DARS1: variants seen among roughly 807,000 people sequenced by gnomAD.
The protein encoded by DARS1 is aspartate--tRNA ligase, cytoplasmic.
DARS1 carries 51 observed loss-of-function variants against 68.8 expected under a neutral mutation model. The ratio of observed to expected loss-of-function variants is 0.74; its 90% CI spans 0.59 to 0.94. DARS1 has a LOEUF of 0.94. Among genes scored for constraint, DARS1 ranks in the 40% least tolerant of loss-of-function variants. DARS1 has a pLI of 0.00. For missense variants in DARS1, 607 were observed against 597.3 expected (o/e 1.02, Z -0.17); for synonymous variants, 203 against 190.4 (o/e 1.07, Z -0.55).
chr2:135,982,440 CAA>C (rs1249915767), intron 2 of DARS1, among the ~76,000 whole-genome samples: 2 of 149,668 alleles, frequency 1.3e-5, no homozygotes, highest in South Asian at 4.2e-4. Flanking sequence ...TACTAAAATA[CAA>C]AAAAAAAGTG....
intron 4 of DARS1, among the ~76,000 whole-genome samples, chr2:135,950,325 T>C (rs1681814466): frequency 6.6e-6 from 1 of 152,226 alleles, no homozygotes; most frequent in South Asian, 2.1e-4. Flanking sequence ...TAAAATTAAA[T>C]GGAGATTAGA....
intron 15 of DARS1, among the ~76,000 whole-genome samples, chr2:135,910,521 G>C (rs1680873929): frequency 6.6e-6 from 1 of 152,070 alleles, no homozygotes; most frequent in Non-Finnish European, 1.5e-5. Context: ...TGTTAGGTAA[G>C]GGTCTAATTT....
chr2:135,970,838 T>G (rs775458549), intron 3 of DARS1, among the ~76,000 whole-genome samples: 1 of 152,116 alleles, frequency 6.6e-6, no homozygotes, highest in Non-Finnish European at 1.5e-5. Context: ...GCCAATAAGT[T>G]GGAAAATCTA....
In DARS1 at chr2:135,914,511, G is replaced by C; in HGVS notation, c.1107C>G (p.Ser369Arg). The change falls in exon 12 of 16, where the codon AGC becomes AGG. Residue 369 changes from serine to arginine, a missense_variant and splice_region_variant. Transcript: ENST00000264161. Reference sequence around the variant, plus strand: ...GACCCAACAGCTTTTCATTTGGTGTGCTGAAAAAGAAACGTGAAATCAGTG... The same window carrying C: ...GACCCAACAGCTTTTCATTTGGTGTCCTGAAAAAGAAACGTGAAATCAGTG... ...GVEMGDEDDL[S>R]TPNEKLLGHL... 1 of 1,430,810 alleles carries C rather than the reference G, an allele frequency of 7.0e-7. No individual in the cohort carries two copies. The highest frequency in any genetic ancestry group is 9.9e-7 in the Non-Finnish European group (1 of 1,012,754). The allele number at this position is 1,430,810 out of a possible 1,614,324, so 88.6% of individuals were successfully genotyped here.
chr2:135,928,448 A>G (rs907921274), intron 7 of DARS1, among the ~76,000 whole-genome samples: 1 of 151,884 alleles, frequency 6.6e-6, no homozygotes, highest in Non-Finnish European at 1.5e-5. Flanking sequence ...GCTGGAGTGC[A>G]GTGGTGTGAT....
Position 135,906,408 on chromosome 2 carries a change from C to G in DARS1, c.*908G>C, listed in dbSNP as rs1371193126. On this transcript the variant is annotated 3_prime_UTR_variant, in exon 16 of 16. Transcript: ENST00000264161. ...TGGGACTGGATTTTACTGACATTCACTAAGTATCAGTACCATTCCAGTTAA... is the reference window on the plus strand; with the variant it reads ...TGGGACTGGATTTTACTGACATTCAGTAAGTATCAGTACCATTCCAGTTAA... 6.6e-6 allele frequency among the ~76,000 whole-genome samples: 1 copy of G among 152,180 alleles called. No homozygotes were observed. Among genetic ancestry groups the G allele is most frequent in the Non-Finnish European group, 1.5e-5 (1 of 68,030 alleles).
intron 4 of DARS1, among the ~76,000 whole-genome samples, chr2:135,943,841 A>G (rs944689105): frequency 6.6e-6 from 1 of 152,178 alleles, no homozygotes; most frequent in African/African-American, 2.4e-5. Flanking sequence ...ATTTCCTATA[A>G]TGAGAAATAC....
intron 1 of DARS1, among the ~76,000 whole-genome samples, chr2:135,984,834 G>A (rs1459629968): frequency 6.6e-6 from 1 of 152,034 alleles, no homozygotes; most frequent in Non-Finnish European, 1.5e-5. Flanking sequence ...GTGATTTGGG[G>A]TCACTTCACC....
intron 6 of DARS1, among the ~76,000 whole-genome samples, chr2:135,933,313 T>C (rs913358474): frequency 6.6e-6 from 1 of 152,258 alleles, no homozygotes; most frequent in African/African-American, 2.4e-5. Flanking sequence ...TTTTTCACTC[T>C]TCATGAGTAT....
At position 135,985,553 on chromosome 2, in the gene DARS1, G is replaced by C. The variant is rs753118757; in HGVS notation, c.-85C>G. ...CAAAGGGGCTTCTCCCTCCCTCCCA[G>C]TCTCCGCCCTCCCGACCCTGGGGTC... On this transcript the variant is annotated 5_prime_UTR_variant, in exon 1 of 16. Coordinates refer to ENST00000264161, the MANE Select transcript of DARS1 (RefSeq NM_001349.4). 1.1e-5 allele frequency: 18 copies of C among 1,603,442 alleles called. No individual in the cohort carries two copies. Among genetic ancestry groups the C allele is most frequent in the Non-Finnish European group, 1.4e-5 (16 of 1,175,306 alleles).
chr2:135,969,689 T>C (rs1682324072), intron 3 of DARS1, among the ~76,000 whole-genome samples: 1 of 151,958 alleles, frequency 6.6e-6, no homozygotes, highest in East Asian at 1.9e-4. Context: ...TTCAATGTTA[T>C]AAAATACATT....
At chr2:135,910,758 G>C (rs1404378468) in intron 15 of DARS1, 2 of 154,890 alleles carry the variant, frequency 1.3e-5, no homozygotes, top group Non-Finnish European at 2.9e-5. Context: ...ATTTTAAATT[G>C]CAGAGCAGTC....
intron 11 of DARS1, among the ~76,000 whole-genome samples, chr2:135,915,407 C>T (rs1680983560): frequency 6.6e-6 from 1 of 152,140 alleles, no homozygotes; most frequent in South Asian, 2.1e-4. Flanking sequence ...TTGCCTCAGC[C>T]TCTGGAGTAG....
chr2:135,924,596 T>A, intron 7 of DARS1, 98 bp from the exon 8 acceptor site: 1 of 1,456,368 alleles, frequency 6.9e-7, no homozygotes, highest in Non-Finnish European at 9.0e-7. Flanking sequence ...AATTCTTGCT[T>A]TCAACATTTT....
chr2:135,976,286 T>C (rs894761721), intron 3 of DARS1, among the ~76,000 whole-genome samples: 1 of 152,222 alleles, frequency 6.6e-6, no homozygotes, highest in Non-Finnish European at 1.5e-5. Context: ...TATTCTTTAG[T>C]TTTTGTGCTG....
chr2:135,916,624 G>A (rs1681011614), intron 10 of DARS1, among the ~76,000 whole-genome samples: 2 of 152,076 alleles, frequency 1.3e-5, no homozygotes, highest in South Asian at 4.1e-4. Context: ...AATATGGTTA[G>A]AAATATAAAA....
At chr2:135,968,747 C>T (rs752710849) in intron 3 of DARS1, among the ~76,000 whole-genome samples, 2 of 151,394 alleles carry the variant, frequency 1.3e-5, no homozygotes, top group Non-Finnish European at 2.9e-5. Context: ...CTGCAACCTC[C>T]GCCTCCTGGG....
intron 9 of DARS1, among the ~76,000 whole-genome samples, chr2:135,922,278 C>T (rs1014585502): frequency 6.6e-6 from 1 of 152,100 alleles, no homozygotes; most frequent in African/African-American, 2.4e-5. Flanking sequence ...TGTAAACTTA[C>T]AGGAGTAAGA....
At chr2:135,939,224 T>C (rs146736490) in intron 5 of DARS1, among the ~76,000 whole-genome samples, 3,523 of 152,242 alleles carry the variant, frequency 0.023, 105 homozygotes, top group African/African-American at 0.068. Context: ...CAGCACCACA[T>C]TGCACTTATT....
Sources: allele counts gnomAD v4.1 joint callset (sites outside exome capture counted in the v4.1 genomes callset), GRCh38; gene constraint gnomAD v4.1.1; transcripts MANE v1.5; gene names NCBI Gene and HGNC (gene_info 2026-07-23, HGNC 2026-07-21).